The following SPNS2 variants were observed in gnomAD, a reference collection of about 807,000 sequenced individuals.
SPNS2 encodes the protein sphingosine-1-phosphate transporter SPNS2.
Under a neutral mutation model 57.6 loss-of-function variants are expected in SPNS2, and 37 were observed. That is an observed-to-expected ratio of 0.64 (90% CI 0.49 to 0.85). SPNS2 has a LOEUF of 0.85. SPNS2 is among the 40% of genes least tolerant of loss of function. The pLI is 0.00. For missense variants in SPNS2, 831 were observed against 779.1 expected, an observed-to-expected ratio of 1.07 and a Z score of -0.79; for synonymous variants, 440 against 346.9, an observed-to-expected ratio of 1.27 and a Z score of -2.98.
At chr17:4,524,053 T>A (rs900193043) in intron 2 of SPNS2, among the ~76,000 whole-genome samples, 5 of 152,168 alleles carry the variant, frequency 3.3e-5, no homozygotes, top group Admixed American at 6.5e-5. Flanking sequence ...TTTTCAGCCA[T>A]TAGGAAAGGC....
rs940379738 is a variant in SPNS2 at position 4,538,078 on chromosome 17, C to T, written c.*630C>T. The T allele has an allele frequency of 4.5e-5, 15 of 336,030 alleles. No individual in the cohort carries two copies. The highest frequency in any genetic ancestry group is 2.6e-4 in the African/African-American group (12 of 46,618). The allele number at this position is 336,030 out of a possible 1,614,324, so 20.8% of individuals were successfully genotyped here. ...CCTGGAGGACACTGTCTCACTGTCTCGGGTTGGCTCCCAGCCTGGAGGTCC... is the reference window on the plus strand; with the variant it reads ...CCTGGAGGACACTGTCTCACTGTCTTGGGTTGGCTCCCAGCCTGGAGGTCC... On this transcript the variant is annotated 3_prime_UTR_variant, in exon 13 of 13. Coordinates refer to ENST00000329078, the MANE Select transcript of SPNS2 (RefSeq NM_001124758.3).
intron 2 of SPNS2, among the ~76,000 whole-genome samples, chr17:4,518,510 G>C (rs1325704691): frequency 6.6e-6 from 1 of 152,162 alleles, no homozygotes; most frequent in African/African-American, 2.4e-5. Context: ...GCGACAGAGC[G>C]AGACTCCGTC....
intron 8 of SPNS2, 97 bp from the exon 9 acceptor site, chr17:4,533,691 G>A (rs1035005238): frequency 1.1e-4 from 151 of 1,413,520 alleles, no homozygotes; most frequent in Non-Finnish European, 1.5e-5. Flanking sequence ...GTGAGGTTTT[G>A]TGGGCTCCCT....
At position 4,499,358 on chromosome 17, in the gene SPNS2, C is replaced by G. The variant is rs1274416601; in HGVS notation, c.311C>G (p.Ala104Gly). ...PASLGRGRGA[A>G]AAILSLGNVL... is the part of the protein sequence containing the mutation. The stretch of plus-strand genomic sequence containing the variant: ...AGCTTGGGCCGCGGGCGGGGGGCAG[C>G]CGCCGCCATCCTCAGCTTGGGCAAC... Residue 104 changes from alanine (A) to glycine (G), a missense_variant, in exon 1 of 13, where the codon GCC becomes GGC. Ala to Gly is a moderately conservative substitution (Grantham distance 60, BLOSUM62 0). Around this residue, in one of 2 missense-constraint regions of SPNS2, gnomAD observed 305 missense variants for 378.3 expected, o/e 0.81. Coordinates refer to ENST00000329078, the MANE Select transcript of SPNS2 (RefSeq NM_001124758.3). The surrounding 1 kb of genome is among the most constrained non-coding windows in gnomAD (Gnocchi z 5.2). 6 of 1,429,158 alleles carry G rather than the reference C, an allele frequency of 4.2e-6. No individual in the cohort carries two copies. The South Asian group carries it at 7.1e-5, about 17-fold the overall frequency. The allele number at this position is 1,429,158 out of a possible 1,614,324, so 88.5% of individuals were successfully genotyped here. A position where few individuals can be genotyped will look rare whatever the true frequency, so the allele number is the denominator to read the frequency against.
At position 4,525,131 on chromosome 17, in the gene SPNS2, C is replaced by G; in HGVS notation, c.511C>G (p.Leu171Val). 1.2e-6 allele frequency: 2 copies of G among 1,614,240 alleles called. No individual in the cohort carries two copies. The highest frequency in any genetic ancestry group is 1.7e-6 in the Non-Finnish European group (2 of 1,180,032). ...CGACCGCTTCAACAGGAAGGTGATT[C>G]TCAGCTGCGGCATTTTCTTCTGGTC... ...LGDRFNRKVI[L>V]SCGIFFWSAV... is the part of the protein sequence containing the mutation. Residue 171 changes from leucine (L) to valine (V), a missense_variant, in exon 3 of 13, where the codon CTC (leucine) becomes GTC (valine). Transcript: ENST00000329078.
Position 4,512,675 on chromosome 17 carries a change from CGTGG to C in SPNS2, c.371-568_371-565del, listed in dbSNP as rs999347699. ...GCGCGCACGGGTATGTGTGTGCGCG[CGTGG>C]GTGTGTATGCATGTGTGCAGGTGTG... On this transcript the variant is annotated intron_variant, in intron 1 of 12. Coordinates refer to ENST00000329078, the MANE Select transcript of SPNS2 (RefSeq NM_001124758.3). The surrounding 1 kb of genome is among the most constrained non-coding windows in gnomAD (Gnocchi z 5.2). Among the ~76,000 whole-genome samples, 18 of 151,108 alleles carry C rather than the reference CGTGG, an allele frequency of 1.2e-4. No homozygotes were observed. Among genetic ancestry groups the C allele is most frequent in the African/African-American group, 3.7e-4 (15 of 41,020 alleles).
chr17:4,534,388 T>C (rs1249511382), intron 9 of SPNS2: 4 of 181,174 alleles, frequency 2.2e-5, no homozygotes, highest in East Asian at 2.7e-4. Context: ...GAGCCAGGAG[T>C]GGAGCTAGGA....
chr17:4,501,597 G>T (rs1386291347), intron 1 of SPNS2, among the ~76,000 whole-genome samples: 1 of 152,200 alleles, frequency 6.6e-6, no homozygotes, highest in African/African-American at 2.4e-5. Context: ...AACAGACACA[G>T]GTTTCCTCTC....
At chr17:4,533,885 T>C in intron 9 of SPNS2, 32 bp downstream of exon 9, 1 of 1,545,136 alleles carries the variant, frequency 6.5e-7, no homozygotes, top group Admixed American at 1.7e-5. Context: ...CACCTTGTGC[T>C]GCTGACCCAG....
chr17:4,508,210 A>T (rs4790637), intron 1 of SPNS2, among the ~76,000 whole-genome samples: 38,349 of 152,052 alleles, frequency 0.25, 4,974 homozygotes, highest in South Asian at 0.36. Context: ...GCAGGTCTTA[A>T]TGGCTAGAGA....
chr17:4,506,732 C>G (rs768366741), intron 1 of SPNS2, among the ~76,000 whole-genome samples: 1 of 152,130 alleles, frequency 6.6e-6, no homozygotes, highest in South Asian at 2.1e-4. Flanking sequence ...GGCCAAGGCT[C>G]TGGGCTGGGG....
chr17:4,518,134 AGT>A (rs1195040841), intron 2 of SPNS2, among the ~76,000 whole-genome samples: 2 of 152,258 alleles, frequency 1.3e-5, no homozygotes, highest in East Asian at 3.9e-4. Context: ...GCAGGGTCTG[AGT>A]GTGAAAGGCT....
intron 3 of SPNS2, among the ~76,000 whole-genome samples, chr17:4,529,024 C>T (rs1401826296): frequency 1.3e-5 from 2 of 151,950 alleles, no homozygotes; most frequent in African/African-American, 4.8e-5. Flanking sequence ...GCAACCTCCA[C>T]CTCCCGAGTT....
At chr17:4,531,164 C>T (rs760676845) in intron 5 of SPNS2, 45 bp downstream of exon 5, 2 of 1,595,786 alleles carry the variant, frequency 1.3e-6, no homozygotes, top group East Asian at 2.2e-5. Context: ...CCGGTCCAGA[C>T]CTCGCCCCAG....
chr17:4,499,289 C>T lies in SPNS2; in HGVS notation c.242C>T (p.Ala81Val), dbSNP rs1308887404. 2.0e-6 allele frequency: 3 copies of T among 1,492,946 alleles called. No individual in the cohort carries two copies. Among genetic ancestry groups the T allele is most frequent in the Admixed American group, 2.2e-5 (1 of 46,060 alleles). 92.5% of individuals were successfully genotyped at this position (1,492,946 alleles called of 1,614,324 possible). A position where few individuals can be genotyped will look rare whatever the true frequency, so the allele number is the denominator to read the frequency against. Reference protein sequence around the residue: ...PPGTPGTPGCAATAKGPGAQQ... With the variant: ...PPGTPGTPGCVATAKGPGAQQ... ...GGCACCCCCGGCACCCCCGGCTGCGCAGCTACTGCAAAGGGCCCCGGCGCT... is the reference window on the plus strand; with the variant it reads ...GGCACCCCCGGCACCCCCGGCTGCGTAGCTACTGCAAAGGGCCCCGGCGCT... The change falls in exon 1 of 13, where the codon GCA (alanine) becomes GTA (valine). Residue 81 changes from alanine (A) to valine (V), a missense_variant. Transcript: ENST00000329078. The surrounding 1 kb of genome is among the most constrained non-coding windows in gnomAD (Gnocchi z 5.2).
At chr17:4,500,964 C>T (rs8067932) in intron 1 of SPNS2, among the ~76,000 whole-genome samples, 24,380 of 152,120 alleles carry the variant, frequency 0.16, 2,180 homozygotes, top group Non-Finnish European at 0.18. Flanking sequence ...AAACGCCAGC[C>T]GCTGTCACGC....
At chr17:4,533,675 AG>A in intron 8 of SPNS2, 112 bp from the exon 9 acceptor site, 4 of 1,238,858 alleles carry the variant, frequency 3.2e-6, no homozygotes, top group Non-Finnish European at 4.7e-6. Context: ...TGGGCCCGGG[AG>A]GGGTGTGAGG....
chr17:4,505,483 C>T (rs917395223), intron 1 of SPNS2, among the ~76,000 whole-genome samples: 4 of 152,222 alleles, frequency 2.6e-5, no homozygotes, highest in African/African-American at 9.6e-5. Context: ...TGTAGTCAGG[C>T]AGTCCCTGTC....
chr17:4,527,904 A>G (rs1905302846), intron 3 of SPNS2, among the ~76,000 whole-genome samples: 1 of 151,820 alleles, frequency 6.6e-6, no homozygotes, highest in South Asian at 2.1e-4. Flanking sequence ...CCAAGAGAGA[A>G]ACTCCAGCTT....
Sources: allele counts gnomAD v4.1 joint callset (sites outside exome capture counted in the v4.1 genomes callset), GRCh38; gene constraint gnomAD v4.1.1; regional missense constraint gnomAD v4.1.1; non-coding constraint Gnocchi (gnomAD v3.1); transcripts MANE v1.5; gene names NCBI Gene and HGNC (gene_info 2026-07-23, HGNC 2026-07-21).